The following FBXL20 variants were observed in gnomAD, a reference collection of about 807,000 sequenced individuals.
The protein encoded by FBXL20 is F-box/LRR-repeat protein 20.
FBXL20 carries 11 observed loss-of-function variants against 64.0 expected under a neutral mutation model. The observed-to-expected ratio is 0.17, with a 90% CI of 0.11 to 0.28. The LOEUF is 0.28. FBXL20 is among the 10% of genes least tolerant of loss of function. The probability of loss-of-function intolerance (pLI) is 1.00; values close to 1 mark genes in which losing one functional copy is unlikely to be tolerated. For synonymous variants in FBXL20, 184 were observed against 189.0 expected (o/e 0.97, Z 0.22); for missense variants, 303 against 526.2 (o/e 0.58, Z 4.15).
At chr17:39,280,886 C>T (rs527733759) in intron 9 of FBXL20, among the ~76,000 whole-genome samples, 9 of 152,214 alleles carry the variant, frequency 5.9e-5, no homozygotes, top group African/African-American at 2.2e-4. Context: ...ACCTCAGCCT[C>T]CCAAGAAGCT....
chr17:39,317,673 CTTTG>C (rs1480743553), intron 2 of FBXL20, among the ~76,000 whole-genome samples: 6 of 108,456 alleles, frequency 5.5e-5, no homozygotes, highest in African/African-American at 1.6e-4. Context: ...GAGAGTTTGA[CTTTG>C]TTTTTTTTTT....
At position 39,256,975 on chromosome 17, in the gene FBXL20, A is replaced by AT. The variant is rs1681113712; in HGVS notation, c.*4484dup. 2 of 151,120 alleles carry AT rather than the reference A, an allele frequency of 1.3e-5. No individual in the cohort carries two copies. Among genetic ancestry groups the AT allele is most frequent in the African/African-American group, 4.9e-5 (2 of 40,982 alleles). The allele number at this position is 151,120 out of a possible 1,614,324, so 9.4% of individuals were successfully genotyped here. ...TGGGCTATCAAACTAGTAACGATGC[A>AT]TTTTTTTCTTTCTTTCTTTCTTTTT... On this transcript the variant is annotated 3_prime_UTR_variant, in exon 15 of 15. Coordinates refer to ENST00000264658, the MANE Select transcript of FBXL20 (RefSeq NM_032875.3).
At chr17:39,397,452 A>G (rs1427263420) in intron 1 of FBXL20, among the ~76,000 whole-genome samples, 2 of 152,120 alleles carry the variant, frequency 1.3e-5, no homozygotes, top group Admixed American at 6.6e-5. Context: ...TACCACTATG[A>G]TTGTTTTTTA....
In FBXL20 at chr17:39,335,650, AAC is replaced by A. The variant is rs923678453; in HGVS notation, c.104+7528_104+7529del. On this transcript the variant is annotated intron_variant, in intron 2 of 14. Coordinates refer to ENST00000264658, the MANE Select transcript of FBXL20 (RefSeq NM_032875.3). ...ACTCACTTCACAGTAGCTCTTGGAA[AAC>A]ACAGTCTTTGTCTTAGAAACATAGA... Among the ~76,000 whole-genome samples the A allele has an allele frequency of 5.3e-5, 8 of 152,274 alleles. No individual in the cohort carries two copies. The South Asian group carries it at 1.2e-3, about 24-fold the overall frequency.
rs992266016 is a variant in FBXL20 at position 39,362,621 on chromosome 17, CT to C, written c.43-19381del. ...TACAGGCGTGAGCCACCACACCCGG[CT>C]TTTTTTTTTTTTCTGAGACAGAGTC... is the stretch of plus-strand genomic sequence containing the variant. On this transcript the variant is annotated intron_variant, in intron 1 of 14. Coordinates refer to ENST00000264658, the MANE Select transcript of FBXL20 (RefSeq NM_032875.3). Among the ~76,000 whole-genome samples the C allele has an allele frequency of 8.2e-3, 1,170 of 143,346 alleles. 11 individuals are homozygous for C. The highest frequency in any genetic ancestry group is 0.023 in the African/African-American group (911 of 39,494). 94.0% of individuals were successfully genotyped at this position (143,346 alleles called of 152,430 possible). A position where few individuals can be genotyped will look rare whatever the true frequency, so the allele number is the denominator to read the frequency against.
intron 2 of FBXL20, among the ~76,000 whole-genome samples, chr17:39,317,421 G>A (rs987433580): frequency 4.6e-5 from 7 of 151,922 alleles, no homozygotes; most frequent in African/African-American, 1.7e-4. Context: ...TAGTAGAGAT[G>A]GGGTTTCACC....
chr17:39,355,421 T>A (rs561689014), intron 1 of FBXL20, among the ~76,000 whole-genome samples: 1 of 152,204 alleles, frequency 6.6e-6, no homozygotes, highest in African/African-American at 2.4e-5. Context: ...ATGATTTGAT[T>A]ATTTGATTTG....
intron 2 of FBXL20, among the ~76,000 whole-genome samples, chr17:39,316,637 T>TA (rs892330578): frequency 1.6e-4 from 25 of 152,112 alleles, no homozygotes; most frequent in Admixed American, 9.2e-4. Context: ...ATTTACTAAA[T>TA]AAAAAAGGGA....
At chr17:39,332,939 G>T (rs1215439887) in intron 2 of FBXL20, among the ~76,000 whole-genome samples, 1 of 152,020 alleles carries the variant, frequency 6.6e-6, no homozygotes, top group Non-Finnish European at 1.5e-5. Context: ...GGATCTAGGG[G>T]ACCCCAACAC....
chr17:39,292,349 A>G (rs928380326), intron 6 of FBXL20, among the ~76,000 whole-genome samples: 6 of 150,560 alleles, frequency 4.0e-5, no homozygotes, highest in Non-Finnish European at 5.9e-5. Context: ...ATTTTTGCAC[A>G]TATTTGTAAT....
rs995349709 is a variant in FBXL20, at chr17:39,254,118, C to A, written c.*7342G>T. ...TGTGAGATGGAGTCTCACTCCGTTGCCCAGGCTGGAGTGCAGTGGCGTGAT... is the reference window on the plus strand; with the variant it reads ...TGTGAGATGGAGTCTCACTCCGTTGACCAGGCTGGAGTGCAGTGGCGTGAT... On this transcript the variant is annotated 3_prime_UTR_variant, in exon 15 of 15. Coordinates refer to ENST00000264658, the MANE Select transcript of FBXL20 (RefSeq NM_032875.3). The A allele has an allele frequency of 1.3e-5, 2 of 152,172 alleles. No homozygotes were observed. The highest frequency in any genetic ancestry group is 4.8e-5 in the African/African-American group (2 of 41,436). 9.4% of individuals were successfully genotyped at this position (152,172 alleles called of 1,614,324 possible). A position where few individuals can be genotyped will look rare whatever the true frequency, so the allele number is the denominator to read the frequency against.
intron 1 of FBXL20, among the ~76,000 whole-genome samples, chr17:39,358,660 C>T (rs948295464): frequency 6.6e-6 from 1 of 150,882 alleles, no homozygotes; most frequent in Non-Finnish European, 1.5e-5. Flanking sequence ...CCAGCCTGGG[C>T]AACAGAGTGA....
intron 2 of FBXL20, among the ~76,000 whole-genome samples, chr17:39,336,199 G>A (rs1052286578): frequency 6.6e-6 from 1 of 152,150 alleles, no homozygotes; most frequent in African/African-American, 2.4e-5. Flanking sequence ...TAACTTGGCT[G>A]TAAGCACTGC....
intron 1 of FBXL20, among the ~76,000 whole-genome samples, chr17:39,375,132 G>A (rs909360872): frequency 7.2e-5 from 11 of 152,152 alleles, no homozygotes; most frequent in African/African-American, 2.4e-4. Context: ...CAGAATTAGT[G>A]TATCATCATC....
intron 2 of FBXL20, among the ~76,000 whole-genome samples, chr17:39,314,795 C>CTTTTTTT (rs59955109): frequency 2.4e-5 from 3 of 125,964 alleles, no homozygotes; most frequent in African/African-American, 6.2e-5. Flanking sequence ...ATATCCTTTT[C>CTTTTTTT]TTTTTTTTTT....
At chr17:39,290,232 A>G (rs907971822) in intron 6 of FBXL20, among the ~76,000 whole-genome samples, 1 of 152,004 alleles carries the variant, frequency 6.6e-6, no homozygotes, top group Non-Finnish European at 1.5e-5. Context: ...GATTGCTAGT[A>G]TACAGAAATA....
At chr17:39,321,570 G>C (rs1222315744) in intron 2 of FBXL20, among the ~76,000 whole-genome samples, 1 of 151,660 alleles carries the variant, frequency 6.6e-6, no homozygotes, top group Non-Finnish European at 1.5e-5. Flanking sequence ...CTGAGGTCAG[G>C]AGTTTGAGAC....
chr17:39,342,544 T>C (rs942802933), intron 2 of FBXL20, among the ~76,000 whole-genome samples: 8 of 151,968 alleles, frequency 5.3e-5, no homozygotes, highest in African/African-American at 1.9e-4. Flanking sequence ...TGAAATCCCG[T>C]CTCTACTAAA....
intron 3 of FBXL20, among the ~76,000 whole-genome samples, chr17:39,301,455 T>C (rs1280736098): frequency 2.0e-5 from 3 of 152,036 alleles, no homozygotes; most frequent in African/African-American, 7.2e-5. Context: ...TGGTCGGGCA[T>C]GGTGGCTCAC....
Sources: gnomAD v4.1 joint callset for allele counts (sites outside exome capture counted in the v4.1 genomes callset) on GRCh38, gnomAD v4.1.1 for gene constraint, MANE v1.5 for transcripts, NCBI Gene and HGNC (gene_info 2026-07-23, HGNC 2026-07-21) for gene names.